Variants in TAMM41 observed in about 807,000 individuals in gnomAD.
TAMM41 encodes the protein TAM41 mitochondrial translocator assembly and maintenance homolog.
TAMM41 carries 36 observed loss-of-function variants against 44.1 expected under a neutral mutation model. The observed-to-expected ratio is 0.82, with a 90% CI of 0.63 to 1.08. TAMM41 has a LOEUF of 1.08. TAMM41 is among the 50% of genes least tolerant of loss of function. The pLI is 0.00. For missense variants in TAMM41, 417 were observed against 404.3 expected (o/e 1.03, Z -0.27); for synonymous variants, 164 against 153.1 (o/e 1.07, Z -0.53).
the TAMM41 span, among the ~76,000 whole-genome samples, chr3:11,739,715 G>C: frequency 6.7e-6 from 1 of 149,380 alleles, no homozygotes; most frequent in South Asian, 2.1e-4. Context: ...GTTAAGGATG[G>C]AGCAAAAAGA....
the TAMM41 span, among the ~76,000 whole-genome samples, chr3:11,781,294 C>CTGTA: frequency 6.6e-6 from 1 of 152,112 alleles, no homozygotes; most frequent in Non-Finnish European, 1.5e-5. Context: ...GGCAGATGTC[C>CTGTA]TGTAGTGTTT....
chr3:11,835,535 G>T (rs1392247461), intron 3 of TAMM41, among the ~76,000 whole-genome samples: 4 of 152,132 alleles, frequency 2.6e-5, no homozygotes, highest in Non-Finnish European at 2.9e-5. Context: ...GTCTTGAATT[G>T]CTGTTTTTGT....
At chr3:11,817,382 C>T in intron 4 of TAMM41, 45 bp from the exon 5 acceptor site, 2 of 1,575,604 alleles carry the variant, frequency 1.3e-6, no homozygotes, top group Non-Finnish European at 1.7e-6. Context: ...TAAGAATCCA[C>T]ACTCTCGACC....
chr3:11,809,241 G>T, intron 6 of TAMM41: 1 of 445,328 alleles, frequency 2.2e-6, no homozygotes, highest in Non-Finnish European at 4.0e-6. Flanking sequence ...ATAAATTCTA[G>T]AAGTTGTGCT....
At chr3:11,766,174 G>GT in the TAMM41 span, among the ~76,000 whole-genome samples, 3 of 151,590 alleles carry the variant, frequency 2.0e-5, no homozygotes, top group East Asian at 1.9e-4. Context: ...TTTGTTGTTG[G>GT]TTTTTTTTGA....
At chr3:11,776,016 A>T in the TAMM41 span, among the ~76,000 whole-genome samples, 3 of 130,964 alleles carry the variant, frequency 2.3e-5, no homozygotes, top group Admixed American at 7.9e-5. Flanking sequence ...TAATTAATTA[A>T]TTTTTTTTTT....
At chr3:11,808,539 A>G (rs1222108611) in intron 6 of TAMM41, 2 of 985,432 alleles carry the variant, frequency 2.0e-6, no homozygotes, top group Non-Finnish European at 2.4e-6. Flanking sequence ...GCAAAGCATT[A>G]CTGGAAATTC....
rs766849677 is a variant in TAMM41, at chr3:11,790,525, ACCCTTTCCACATTTTGTGCAG to A, written c.973_993del (p.Leu325_Gly331del). 5 of 1,614,128 alleles carry A rather than the reference ACCCTTTCCACATTTTGTGCAG, an allele frequency of 3.1e-6. No homozygotes were observed. In the South Asian group the frequency reaches 5.5e-5, roughly 18 times the overall value. On this transcript the variant is annotated inframe_deletion, in exon 8 of 8. Coordinates refer to ENST00000455809, the MANE Select transcript of TAMM41 (RefSeq NM_001284401.2). ...CAAAATCAGGATGTTTTCCTCAGCC[ACCCTTTCCACATTTTGTGCAG>A]TTTTAGTGAACTATAAATCACTGAC...
chr3:11,841,073 A>ATTTT lies in TAMM41; in HGVS notation c.319-1763_319-1760dup, dbSNP rs141805597. On this transcript the variant is annotated intron_variant, in intron 2 of 7. Transcript: ENST00000455809. ...AGAAATTATAGTTCAGCCCATTTCTATTTTTTTTTTTTTTTTTTTTTTTTT... is the reference window on the plus strand; with the variant it reads ...AGAAATTATAGTTCAGCCCATTTCTATTTTTTTTTTTTTTTTTTTTTTTTTTTTT... Among the ~76,000 whole-genome samples the ATTTT allele has an allele frequency of 2.1e-4, 18 of 83,948 alleles. 1 individual carries two copies. The highest frequency in any genetic ancestry group is 5.0e-4 in the South Asian group (1 of 2,004). 55.1% of individuals were successfully genotyped at this position (83,948 alleles called of 152,430 possible). A position where few individuals can be genotyped will look rare whatever the true frequency, so the allele number is the denominator to read the frequency against.
At chr3:11,776,016 ATTTT>A in the TAMM41 span, among the ~76,000 whole-genome samples, 2 of 130,964 alleles carry the variant, frequency 1.5e-5, no homozygotes, top group Admixed American at 7.9e-5. Context: ...TAATTAATTA[ATTTT>A]TTTTTTTTTT....
Position 11,843,318 on chromosome 3 carries a change from C to T in TAMM41, c.318+711G>A, listed in dbSNP as rs2079532251. Among the ~76,000 whole-genome samples the T allele has an allele frequency of 2.0e-5, 3 of 152,360 alleles. No homozygotes were observed. In the South Asian group the frequency reaches 6.2e-4, roughly 32 times the overall value. On this transcript the variant is annotated intron_variant, in intron 2 of 7. Coordinates refer to ENST00000455809, the MANE Select transcript of TAMM41 (RefSeq NM_001284401.2). ...AAGAGATGCAAATCTTCAATCCCTACCCCAGACCTAGTGATCAGAACTCTG... is the reference window on the plus strand; with the variant it reads ...AAGAGATGCAAATCTTCAATCCCTATCCCAGACCTAGTGATCAGAACTCTG...
chr3:11,844,624 G>A (rs1299095855), intron 1 of TAMM41, among the ~76,000 whole-genome samples: 1 of 152,190 alleles, frequency 6.6e-6, no homozygotes, highest in Non-Finnish European at 1.5e-5. Context: ...CTGAACCACT[G>A]CACTACACTG....
chr3:11,804,898 T>A (rs2077855032), intron 7 of TAMM41, among the ~76,000 whole-genome samples: 1 of 151,242 alleles, frequency 6.6e-6, no homozygotes. Context: ...AGGGTCTCAC[T>A]CTGTCACCCA....
At chr3:11,830,536 TA>T (rs1277334873) in intron 3 of TAMM41, among the ~76,000 whole-genome samples, 1 of 152,122 alleles carries the variant, frequency 6.6e-6, no homozygotes, top group African/African-American at 2.4e-5. Context: ...TTCTCCTCAA[TA>T]CAGAGTAGAA....
At chr3:11,838,840 G>A (rs946890346) in intron 3 of TAMM41, among the ~76,000 whole-genome samples, 2 of 152,078 alleles carry the variant, frequency 1.3e-5, no homozygotes, top group East Asian at 1.9e-4. Flanking sequence ...CTTATCACAC[G>A]GCTGGCTCCC....
chr3:11,767,473 T>G, the TAMM41 span, among the ~76,000 whole-genome samples: 1 of 152,122 alleles, frequency 6.6e-6, no homozygotes, highest in African/African-American at 2.4e-5. Flanking sequence ...TTTTCATTTC[T>G]CTTGGATATA....
chr3:11,830,121 C>T (rs962782631), intron 3 of TAMM41, among the ~76,000 whole-genome samples: 7 of 152,134 alleles, frequency 4.6e-5, no homozygotes, highest in African/African-American at 1.7e-4. Flanking sequence ...TGAGGAAATG[C>T]AGCATAGGTT....
chr3:11,784,143 G>A, the TAMM41 span, among the ~76,000 whole-genome samples: 1 of 152,162 alleles, frequency 6.6e-6, no homozygotes, highest in Non-Finnish European at 1.5e-5. Flanking sequence ...ACAGGCTGAG[G>A]GCAACAGGAA....
At chr3:11,753,746 A>G in the TAMM41 span, among the ~76,000 whole-genome samples, 1 of 152,016 alleles carries the variant, frequency 6.6e-6, no homozygotes, top group Non-Finnish European at 1.5e-5. Context: ...CAAAAAAAAA[A>G]ATAAAATAAA....
Sources: allele counts gnomAD v4.1 joint callset (sites outside exome capture counted in the v4.1 genomes callset), GRCh38; gene constraint gnomAD v4.1.1; transcripts MANE v1.5; gene names NCBI Gene and HGNC (gene_info 2026-07-23, HGNC 2026-07-21).